ROBO2: variants seen among roughly 807,000 people sequenced by gnomAD.
The protein encoded by ROBO2 is roundabout guidance receptor 2, also known as roundabout homolog 2.
ROBO2 carries 53 observed loss-of-function variants against 160.8 expected under a neutral mutation model. The ratio of observed to expected loss-of-function variants is 0.33; its 90% CI spans 0.26 to 0.41. The LOEUF is 0.41. Ranked by LOEUF, ROBO2 falls within the 10% of genes least tolerant of loss-of-function variation. The pLI, the probability that ROBO2 is intolerant of heterozygous loss-of-function variation, is 1.00. For synonymous variants in ROBO2, 664 were observed against 611.7 expected, an observed-to-expected ratio of 1.09 and a Z score of -1.26; for missense variants, 1,577 against 1,722.4, an observed-to-expected ratio of 0.92 and a Z score of 1.49.
intron 23 of ROBO2, among the ~76,000 whole-genome samples, chr3:77,625,157 T>A (rs1429935349): frequency 6.6e-6 from 1 of 151,716 alleles, no homozygotes; most frequent in Non-Finnish European, 1.5e-5. Context: ...TGGAAAAGGC[T>A]AAAAAAAAGA....
At chr3:77,076,947 T>A (rs918880844) in intron 1 of ROBO2, among the ~76,000 whole-genome samples, 9 of 152,196 alleles carry the variant, frequency 5.9e-5, no homozygotes, top group Non-Finnish European at 4.4e-5. Context: ...AAAGGGAACC[T>A]TCAGAGATGA....
intron 2 of ROBO2, among the ~76,000 whole-genome samples, chr3:76,712,488 A>C (rs1157524909): frequency 2.4e-4 from 37 of 152,070 alleles, no homozygotes; most frequent in Non-Finnish European, 2.9e-5. Flanking sequence ...CAGCCCGGCC[A>C]ACATGGTGAA....
chr3:76,688,571 T>C (rs1451077907), intron 2 of ROBO2, among the ~76,000 whole-genome samples: 1 of 149,856 alleles, frequency 6.7e-6, no homozygotes, highest in East Asian at 2.0e-4. Context: ...ATGAAAGTCT[T>C]TTTTTGTAGA....
At chr3:77,107,115 C>G (rs2072909573) in intron 2 of ROBO2, among the ~76,000 whole-genome samples, 1 of 152,104 alleles carries the variant, frequency 6.6e-6, no homozygotes, top group Non-Finnish European at 1.5e-5. Flanking sequence ...TTTGTGAGGC[C>G]CCACCTCCTG....
intron 2 of ROBO2, among the ~76,000 whole-genome samples, chr3:76,830,261 C>G (rs532302289): frequency 6.6e-6 from 1 of 152,062 alleles, no homozygotes; most frequent in African/African-American, 2.4e-5. Context: ...TTCGAACAGG[C>G]GTTTCTCCCT....
intron 24 of ROBO2, among the ~76,000 whole-genome samples, chr3:77,639,689 A>T (rs1166264717): frequency 6.6e-6 from 1 of 152,162 alleles, no homozygotes; most frequent in African/African-American, 2.4e-5. Flanking sequence ...TGTTTGTGAG[A>T]CCTTTAAGCT....
At chr3:77,394,195 C>T (rs940239544) in intron 2 of ROBO2, among the ~76,000 whole-genome samples, 7 of 152,226 alleles carry the variant, frequency 4.6e-5, no homozygotes, top group East Asian at 1.9e-4. Context: ...AAAAAGCAAT[C>T]GTGCTTTTCC....
intron 2 of ROBO2, among the ~76,000 whole-genome samples, chr3:76,187,221 G>A (rs1043596465): frequency 1.3e-5 from 2 of 152,000 alleles, no homozygotes; most frequent in African/African-American, 4.8e-5. Context: ...TTCACATATA[G>A]TTCTGACATT....
chr3:77,423,568 G>A (rs770448864), intron 2 of ROBO2, among the ~76,000 whole-genome samples: 14 of 151,912 alleles, frequency 9.2e-5, no homozygotes, highest in Non-Finnish European at 1.9e-4. Flanking sequence ...GTTCTTCCTG[G>A]TTTTTCTACT....
At chr3:76,631,706 T>C (rs573667460) in intron 2 of ROBO2, among the ~76,000 whole-genome samples, 1 of 152,272 alleles carries the variant, frequency 6.6e-6, no homozygotes, top group Admixed American at 6.5e-5. Flanking sequence ...CTCTTCTTAA[T>C]GGCAACTGGC....
intron 2 of ROBO2, among the ~76,000 whole-genome samples, chr3:76,516,869 G>C (rs1009744509): frequency 1.3e-5 from 2 of 152,208 alleles, no homozygotes; most frequent in Admixed American, 6.5e-5. Context: ...AAGGTAATAA[G>C]GCAGCTGTTT....
chr3:77,605,551 T>C (rs2094510339), intron 20 of ROBO2, among the ~76,000 whole-genome samples: 1 of 152,214 alleles, frequency 6.6e-6, no homozygotes, highest in East Asian at 1.9e-4. Context: ...CCCTCACATA[T>C]TTCTTCTATG....
At chr3:76,295,399 C>G (rs113259279) in intron 2 of ROBO2, among the ~76,000 whole-genome samples, 45,173 of 151,676 alleles carry the variant, frequency 0.3, 7,264 homozygotes, top group Non-Finnish European at 0.37. Flanking sequence ...ATCACTGTTA[C>G]GTAATCCCTG....
intron 2 of ROBO2, among the ~76,000 whole-genome samples, chr3:76,960,678 A>C (rs934515195): frequency 6.6e-6 from 1 of 152,144 alleles, no homozygotes; most frequent in African/African-American, 2.4e-5. Flanking sequence ...GAATGTGTGA[A>C]TAGCTCTCTA....
rs557213516 is a variant in ROBO2 at position 76,051,916 on chromosome 3, T to TC, written c.109+114315dup. ...GATATTTTTCTCTTCAATGAAGAAA[T>TC]CTCCATAATTGAATGATCTAAATTT... On this transcript the variant is annotated intron_variant, in intron 2 of 26. Coordinates refer to the ROBO2 transcript ENST00000487694. 1.2e-3 allele frequency among the ~76,000 whole-genome samples: 175 copies of TC among 151,906 alleles called. 1 individual carries two copies. In the Middle Eastern group the frequency reaches 0.017, roughly 15 times the overall value.
intron 2 of ROBO2, among the ~76,000 whole-genome samples, chr3:76,921,279 T>G (rs1260593008): frequency 6.6e-6 from 1 of 152,178 alleles, no homozygotes; most frequent in Admixed American, 6.5e-5. Flanking sequence ...TTATAAAAAT[T>G]AAATGGAAAA....
At chr3:76,290,318 G>C (rs1257226267) in intron 2 of ROBO2, among the ~76,000 whole-genome samples, 1 of 151,940 alleles carries the variant, frequency 6.6e-6, no homozygotes, top group Non-Finnish European at 1.5e-5. Context: ...GAATTTGGTT[G>C]TTTATTTGGC....
intron 2 of ROBO2, among the ~76,000 whole-genome samples, chr3:76,666,028 T>C (rs1272889113): frequency 8.1e-6 from 1 of 123,200 alleles, no homozygotes; most frequent in Non-Finnish European, 1.8e-5. Flanking sequence ...ATATATTATA[T>C]ATATTATATA....
At chr3:76,131,122 G>T (rs2071205124) in intron 2 of ROBO2, among the ~76,000 whole-genome samples, 2 of 152,052 alleles carry the variant, frequency 1.3e-5, no homozygotes, top group Admixed American at 6.6e-5. Flanking sequence ...ATAGTATGTT[G>T]CATCTTTTGT....
Sources: gnomAD v4.1 joint callset for allele counts (sites outside exome capture counted in the v4.1 genomes callset) on GRCh38, gnomAD v4.1.1 for gene constraint, MANE v1.5 for transcripts, NCBI Gene and HGNC (gene_info 2026-07-23, HGNC 2026-07-21) for gene names.